Variants in WBP2NL observed in about 807,000 individuals in gnomAD.
WBP2NL encodes the protein postacrosomal sheath WW domain-binding protein.
Under a neutral mutation model 23.3 loss-of-function variants are expected in WBP2NL, and 27 were observed. The ratio of observed to expected loss-of-function variants is 1.16; its 90% CI spans 0.85 to 1.60. The LOEUF (loss-of-function observed/expected upper bound fraction) is 1.60, where lower values mean the gene tolerates loss of function less well. Among genes scored for constraint, WBP2NL ranks in the 40% most tolerant of loss-of-function variants. The pLI is 0.00. For missense variants in WBP2NL, 370 were observed against 389.5 expected (o/e 0.95, Z 0.42); for synonymous variants, 151 against 145.9 (o/e 1.03, Z -0.25).
Position 42,019,782 on chromosome 22 carries a change from A to G in WBP2NL, c.292A>G (p.Thr98Ala), listed in dbSNP as rs1923708528. 2.5e-6 allele frequency: 4 copies of G among 1,614,098 alleles called. No homozygotes were observed. The African/African-American group carries it at 4.0e-5, about 16-fold the overall frequency. The stretch of plus-strand genomic sequence containing the variant: ...ATTTGCTGCAAACTTCATTAAGGGA[A>G]CTATTCAGGCAGCTCCATATGGTAA... The part of the protein sequence containing the change: ...PVFAANFIKG[T>A]IQAAPYGGWE... The change falls in exon 3 of 6, where the codon ACT becomes GCT. Residue 98 changes from threonine (T) to alanine (A), a missense_variant. Physicochemically the swap from Thr to Ala is moderately conservative, Grantham distance 58 (BLOSUM62 0). Transcript: ENST00000328823.
At chr22:42,012,750 T>C (rs775228410) in intron 1 of WBP2NL, among the ~76,000 whole-genome samples, 16 of 152,182 alleles carry the variant, frequency 1.1e-4, no homozygotes, top group Admixed American at 9.2e-4. Context: ...CACAGCACTT[T>C]GGGAGGCCGA....
rs17002790 is a variant in WBP2NL, at chr22:41,998,831, C to G, written c.13C>G (p.Gln5Glu). 9,041 of 1,611,186 alleles carry G rather than the reference C, an allele frequency of 5.6e-3. 412 individuals are homozygous for G. The African/African-American group carries it at 0.1, about 18-fold the overall frequency. Reference sequence around the variant, plus strand: ...GGCCCGAAGCAAGATGGCGGTGAATCAGAGCCACACCGAGAACCGCCGCGG... The same window carrying G: ...GGCCCGAAGCAAGATGGCGGTGAATGAGAGCCACACCGAGAACCGCCGCGG... MAVNQSHTENRRGAL... is the reference protein window; with the variant it reads MAVNESHTENRRGAL... The change falls in exon 1 of 6, where the codon CAG (glutamine) becomes GAG (glutamate). Residue 5 changes from glutamine to glutamate, a missense_variant. Transcript: ENST00000328823.
intron 8 of WBP2NL, among the ~76,000 whole-genome samples, chr22:42,049,270 G>C (rs935166937): frequency 2.6e-5 from 4 of 151,930 alleles, no homozygotes; most frequent in Admixed American, 1.3e-4. Flanking sequence ...TTCCCAAGTG[G>C]TACTAGCGCA....
intron 8 of WBP2NL, among the ~76,000 whole-genome samples, chr22:42,058,131 T>G (rs1602487919): frequency 6.6e-6 from 1 of 151,340 alleles, no homozygotes; most frequent in Non-Finnish European, 1.5e-5. Flanking sequence ...TTAGCCAGGA[T>G]GGTCTCAATC....
chr22:42,048,953 T>C (rs542867487), intron 8 of WBP2NL, among the ~76,000 whole-genome samples: 1 of 152,262 alleles, frequency 6.6e-6, no homozygotes, highest in Admixed American at 6.5e-5. Context: ...TCCTATTCTA[T>C]TGAACCTCCT....
chr22:42,014,855 CTT>C (rs1380262988), intron 1 of WBP2NL, among the ~76,000 whole-genome samples: 1 of 152,130 alleles, frequency 6.6e-6, no homozygotes, highest in Non-Finnish European at 1.5e-5. Context: ...CTTCCTGAGA[CTT>C]TGTTTGTATT....
intron 8 of WBP2NL, among the ~76,000 whole-genome samples, chr22:42,040,053 A>G (rs1412022612): frequency 1.3e-5 from 2 of 151,092 alleles, no homozygotes; most frequent in African/African-American, 4.9e-5. Context: ...CTGGGACTAC[A>G]GGCAGGCACC....
chr22:42,041,238 G>C (rs1300791074), intron 8 of WBP2NL, among the ~76,000 whole-genome samples: 1 of 152,102 alleles, frequency 6.6e-6, no homozygotes, highest in African/African-American at 2.4e-5. Context: ...CAGCACTTTG[G>C]GAGGGGAGGC....
At chr22:42,015,853 G>C (rs1281859321) in intron 1 of WBP2NL, among the ~76,000 whole-genome samples, 1 of 152,116 alleles carries the variant, frequency 6.6e-6, no homozygotes, top group Non-Finnish European at 1.5e-5. Flanking sequence ...ATATGTGTGA[G>C]CTTTTCGAAG....
chr22:42,052,846 G>C (rs764042080), intron 8 of WBP2NL, among the ~76,000 whole-genome samples: 1 of 152,116 alleles, frequency 6.6e-6, no homozygotes, highest in African/African-American at 2.4e-5. Flanking sequence ...GCAGCTAATT[G>C]TAGGCTCTCT....
intron 8 of WBP2NL, among the ~76,000 whole-genome samples, chr22:42,054,250 C>T (rs1056778201): frequency 3.3e-5 from 5 of 151,976 alleles, no homozygotes; most frequent in Admixed American, 6.6e-5. Context: ...TGCAGTGGCA[C>T]GATCACTGAA....
chr22:42,020,154 G>GT (rs1923751525), intron 4 of WBP2NL, 58 bp downstream of exon 4: 19 of 1,474,832 alleles, frequency 1.3e-5, no homozygotes, highest in East Asian at 2.3e-5. Context: ...GTTTGTTTGG[G>GT]TTTTTTGTTG....
chr22:42,006,957 CATT>C (rs1262700543), intron 1 of WBP2NL, among the ~76,000 whole-genome samples: 1 of 152,172 alleles, frequency 6.6e-6, no homozygotes, highest in Non-Finnish European at 1.5e-5. Flanking sequence ...GGAAACCTGT[CATT>C]ATAGAAAAAT....
intron 8 of WBP2NL, among the ~76,000 whole-genome samples, chr22:42,055,366 G>A (rs1031910137): frequency 3.3e-5 from 5 of 152,158 alleles, no homozygotes; most frequent in South Asian, 2.1e-4. Context: ...GTAGAGATGG[G>A]GTTTCACCAT....
intron 1 of WBP2NL, among the ~76,000 whole-genome samples, chr22:42,010,788 T>C (rs1438559620): frequency 1.3e-5 from 2 of 152,202 alleles, no homozygotes; most frequent in Admixed American, 6.5e-5. Flanking sequence ...TCCGCCCGCC[T>C]TGGCCTCCCA....
intron 8 of WBP2NL, among the ~76,000 whole-genome samples, chr22:42,039,206 G>A (rs184624173): frequency 6.6e-6 from 1 of 151,978 alleles, no homozygotes; most frequent in African/African-American, 2.4e-5. Context: ...CAAGTAGCTG[G>A]GATTACAGGC....
chr22:42,014,360 G>A (rs780017838), intron 1 of WBP2NL, among the ~76,000 whole-genome samples: 6 of 152,190 alleles, frequency 3.9e-5, no homozygotes, highest in Middle Eastern at 6.8e-3. Flanking sequence ...TGGATAGGTG[G>A]GACTGTAGGT....
At chr22:42,019,482 A>C in intron 2 of WBP2NL, 63 bp downstream of exon 2, 1 of 1,578,398 alleles carries the variant, frequency 6.3e-7, no homozygotes, top group Non-Finnish European at 8.6e-7. Context: ...TGAAATGAAG[A>C]AAACTTAAAC....
In WBP2NL at chr22:42,019,435, A is replaced by C; in HGVS notation, c.171+16A>C. Reference sequence around the variant, plus strand: ...TTCATACCGGGTAATTTCTACTTCTACTTTAATCTGCTGATTAACTCTACA... The same window carrying C: ...TTCATACCGGGTAATTTCTACTTCTCCTTTAATCTGCTGATTAACTCTACA... On this transcript the variant is annotated intron_variant, in intron 2 of 5. Coordinates refer to ENST00000328823, the MANE Select transcript of WBP2NL (RefSeq NM_152613.3). 1 of 1,604,560 alleles carries C rather than the reference A, an allele frequency of 6.2e-7. No individual in the cohort carries two copies. The highest frequency in any genetic ancestry group is 8.5e-7 in the Non-Finnish European group (1 of 1,173,866).
Sources: allele counts gnomAD v4.1 joint callset (sites outside exome capture counted in the v4.1 genomes callset), GRCh38; gene constraint gnomAD v4.1.1; transcripts MANE v1.5; gene names NCBI Gene and HGNC (gene_info 2026-07-23, HGNC 2026-07-21).